SYN3: variants seen among roughly 807,000 people sequenced by gnomAD.
The protein encoded by SYN3 is synapsin III.
In SYN3, 35 loss-of-function variants were observed where a neutral mutation model predicts 65.8. That is an observed-to-expected ratio of 0.53 (90% CI 0.41 to 0.70). SYN3 has a LOEUF of 0.70. SYN3 is among the 30% of genes least tolerant of loss of function. The pLI, the probability that SYN3 is intolerant of heterozygous loss-of-function variation, is 0.00. For missense variants in SYN3, 680 were observed against 749.0 expected (o/e 0.91, Z 1.08); for synonymous variants, 270 against 292.9 (o/e 0.92, Z 0.80).
At chr22:33,039,159 T>A (rs759520441) in intron 1 of SYN3, among the ~76,000 whole-genome samples, 6 of 152,080 alleles carry the variant, frequency 3.9e-5, no homozygotes, top group Non-Finnish European at 7.4e-5. Context: ...AATCCTATCG[T>A]ATAGATAATG....
Position 32,763,987 on chromosome 22 carries a change from G to A in SYN3, c.711+100928C>T, listed in dbSNP as rs549117621. Reference sequence around the variant, plus strand: ...GAGTCTCACTCTGTCGCTCAGGCTGGAGTGCAATGGCGCAATCTCGGCTCA... The same window carrying A: ...GAGTCTCACTCTGTCGCTCAGGCTGAAGTGCAATGGCGCAATCTCGGCTCA... On this transcript the variant is annotated intron_variant, in intron 6 of 13. Coordinates refer to ENST00000358763, the MANE Select transcript of SYN3 (RefSeq NM_003490.4). 3.3e-5 allele frequency among the ~76,000 whole-genome samples: 5 copies of A among 150,990 alleles called. No individual in the cohort carries two copies. The South Asian group carries it at 1.1e-3, about 32-fold the overall frequency.
intron 1 of SYN3, among the ~76,000 whole-genome samples, chr22:33,055,619 T>C (rs2054242072): frequency 6.6e-6 from 1 of 151,964 alleles, no homozygotes; most frequent in Admixed American, 6.6e-5. Context: ...GGACCAACAA[T>C]AGGAAAGTAA....
chr22:32,694,284 C>G (rs1325721196), intron 6 of SYN3, among the ~76,000 whole-genome samples: 2 of 152,320 alleles, frequency 1.3e-5, no homozygotes, highest in African/African-American at 4.8e-5. Context: ...ATACCTTTCC[C>G]CATATCCCTT....
At chr22:32,789,178 A>C (rs763892899) in intron 6 of SYN3, among the ~76,000 whole-genome samples, 24 of 152,318 alleles carry the variant, frequency 1.6e-4, no homozygotes, top group Admixed American at 1.1e-3. Flanking sequence ...AGCAATAGAC[A>C]AAAAAATGAT....
At chr22:32,796,719 T>C (rs2046436595) in intron 6 of SYN3, among the ~76,000 whole-genome samples, 1 of 152,022 alleles carries the variant, frequency 6.6e-6, no homozygotes, top group Non-Finnish European at 1.5e-5. Context: ...GAAGGCATCG[T>C]GGCTAGGGTC....
At chr22:32,749,685 G>T (rs946848446) in intron 6 of SYN3, among the ~76,000 whole-genome samples, 6 of 152,092 alleles carry the variant, frequency 3.9e-5, no homozygotes, top group African/African-American at 1.2e-4. Context: ...CATTTTGTAG[G>T]GGGGACACAA....
chr22:32,954,249 C>T (rs1333027275), intron 3 of SYN3, among the ~76,000 whole-genome samples: 1 of 152,058 alleles, frequency 6.6e-6, no homozygotes, highest in Non-Finnish European at 1.5e-5. Context: ...GTCCCTAGGA[C>T]AGGAAGGAGG....
intron 7 of SYN3, among the ~76,000 whole-genome samples, chr22:32,576,429 AG>A (rs1203715233): frequency 1.3e-5 from 2 of 152,224 alleles, no homozygotes; most frequent in Non-Finnish European, 2.9e-5. Flanking sequence ...ACAACTGAGT[AG>A]GAAAACGCAC....
intron 2 of SYN3, among the ~76,000 whole-genome samples, chr22:32,988,614 A>T (rs1053079189): frequency 6.6e-6 from 1 of 152,092 alleles, no homozygotes. Flanking sequence ...GAAAATGACC[A>T]CACAGAGCAT....
At chr22:32,879,074 T>TACAC (rs372249447) in intron 4 of SYN3, among the ~76,000 whole-genome samples, 1,517 of 151,056 alleles carry the variant, frequency 0.01, 23 homozygotes, top group African/African-American at 0.034. Flanking sequence ...GACACACACA[T>TACAC]ACACACACAC....
chr22:32,826,474 T>C (rs1476588150), intron 6 of SYN3, among the ~76,000 whole-genome samples: 2 of 151,962 alleles, frequency 1.3e-5, no homozygotes, highest in Non-Finnish European at 2.9e-5. Context: ...AAGGTAATAA[T>C]GTAAGAAAAT....
chr22:32,704,260 C>G (rs968073922), intron 6 of SYN3, among the ~76,000 whole-genome samples: 1 of 152,096 alleles, frequency 6.6e-6, no homozygotes, highest in Non-Finnish European at 1.5e-5. Context: ...TGTTGTCCCC[C>G]TTTGTGTTCA....
chr22:32,947,058 G>A (rs1054141795), intron 3 of SYN3, among the ~76,000 whole-genome samples: 6 of 152,160 alleles, frequency 3.9e-5, no homozygotes, highest in Admixed American at 1.3e-4. Flanking sequence ...ATAAATGGTG[G>A]AAAAGGGATT....
intron 4 of SYN3, among the ~76,000 whole-genome samples, chr22:32,909,906 T>C (rs1312915341): frequency 1.3e-5 from 2 of 151,720 alleles, no homozygotes; most frequent in African/African-American, 2.4e-5. Context: ...GCATGAAGAG[T>C]GTACCCTAGT....
chr22:33,040,120 C>G (rs75480304), intron 1 of SYN3, among the ~76,000 whole-genome samples: 1,847 of 151,744 alleles, frequency 0.012, 13 homozygotes, highest in Non-Finnish European at 0.019. Context: ...CGCCACCACA[C>G]CCAGCTAATT....
At chr22:32,771,212 T>C (rs1208357967) in intron 6 of SYN3, among the ~76,000 whole-genome samples, 1 of 152,194 alleles carries the variant, frequency 6.6e-6, no homozygotes, top group East Asian at 1.9e-4. Context: ...TCCAGCTTCA[T>C]CCATGTCCCT....
rs557669111 is a variant in SYN3 at position 32,996,902 on chromosome 22, G to A, written c.311+9450C>T. On this transcript the variant is annotated intron_variant, in intron 2 of 13. Coordinates refer to ENST00000358763, the MANE Select transcript of SYN3 (RefSeq NM_003490.4). ...GCCTTCTTCTGAGGGTGAGGTCACC[G>A]GAATCCTGTGCTTGGCTGTGCACTG... 2.0e-4 allele frequency among the ~76,000 whole-genome samples: 31 copies of A among 152,332 alleles called. No homozygotes were observed. The South Asian group carries it at 3.3e-3, about 16-fold the overall frequency.
rs368421885 is a variant in SYN3, at chr22:32,797,243, A to G, written c.711+67672T>C. 2.0e-5 allele frequency among the ~76,000 whole-genome samples: 3 copies of G among 152,226 alleles called. No homozygotes were observed. In the East Asian group the frequency reaches 5.8e-4, roughly 29 times the overall value. On this transcript the variant is annotated intron_variant, in intron 6 of 13. Coordinates refer to ENST00000358763, the MANE Select transcript of SYN3 (RefSeq NM_003490.4). ...CCACCTGCCTGTCTGAATGCTGGAA[A>G]GGGGTCGGTGGTGCTGATCATTGGA...
chr22:33,007,924 AAG>A, intron 1 of SYN3, among the ~76,000 whole-genome samples: 1 of 149,300 alleles, frequency 6.7e-6, no homozygotes, highest in Non-Finnish European at 1.5e-5. Flanking sequence ...ATTTTTTGTT[AAG>A]ATTATTATAT....
Sources: gnomAD v4.1 joint callset for allele counts (sites outside exome capture counted in the v4.1 genomes callset) on GRCh38, gnomAD v4.1.1 for gene constraint, MANE v1.5 for transcripts, NCBI Gene and HGNC (gene_info 2026-07-23, HGNC 2026-07-21) for gene names.